The following LHCGR variants were observed in gnomAD, a reference collection of about 807,000 sequenced individuals.
The protein encoded by LHCGR is luteinizing hormone/choriogonadotropin receptor, also known as lutropin-choriogonadotropic hormone receptor.
In LHCGR, 55 loss-of-function variants were observed where a neutral mutation model predicts 60.7. The ratio of observed to expected loss-of-function variants is 0.91; its 90% CI spans 0.73 to 1.13. The LOEUF (loss-of-function observed/expected upper bound fraction) is 1.13. LHCGR is among the 50% of genes most tolerant of loss of function. The pLI is 0.00. For synonymous variants in LHCGR, 337 were observed against 316.5 expected (o/e 1.06, Z -0.69); for missense variants, 862 against 836.0 (o/e 1.03, Z -0.38).
intron 10 of LHCGR, among the ~76,000 whole-genome samples, chr2:48,689,068 T>C (rs996910686): frequency 6.6e-6 from 1 of 151,646 alleles, no homozygotes; most frequent in African/African-American, 2.4e-5. Flanking sequence ...CACACACATA[T>C]ATACACACAT....
At chr2:48,703,754 C>T (rs1476648658) in intron 8 of LHCGR, among the ~76,000 whole-genome samples, 1 of 152,186 alleles carries the variant, frequency 6.6e-6, no homozygotes, top group Non-Finnish European at 1.5e-5. Flanking sequence ...CAAGACTTCG[C>T]TGAAGTTGCT....
intron 1 of LHCGR, among the ~76,000 whole-genome samples, chr2:48,741,391 A>C (rs958510811): frequency 1.3e-5 from 2 of 152,196 alleles, no homozygotes; most frequent in Non-Finnish European, 2.9e-5. Flanking sequence ...CATAATTGTC[A>C]GATTCACCAA....
intron 10 of LHCGR, among the ~76,000 whole-genome samples, chr2:48,689,881 A>T (rs1314490861): frequency 1.3e-5 from 2 of 151,924 alleles, no homozygotes; most frequent in African/African-American, 4.8e-5. Context: ...CACCCAGCTA[A>T]TTTTTTGCAT....
chr2:48,753,609 A>G (rs1670075920), intron 1 of LHCGR, among the ~76,000 whole-genome samples: 1 of 152,156 alleles, frequency 6.6e-6, no homozygotes, highest in Non-Finnish European at 1.5e-5. Flanking sequence ...AGGCAGCAGG[A>G]GAAAGTGGGA....
At position 48,751,441 on chromosome 2, in the gene LHCGR, A is replaced by G. The variant is rs141204187; in HGVS notation, c.161+4070T>C. ...CACCAGGACCCCTCTTTCCTTCTTC[A>G]CAGTTCAGCTTCTTAACACTTGGCC... is the stretch of plus-strand genomic sequence containing the variant. On this transcript the variant is annotated intron_variant, in intron 1 of 10. Transcript: ENST00000294954. 1.2e-4 allele frequency among the ~76,000 whole-genome samples: 18 copies of G among 152,222 alleles called. No individual in the cohort carries two copies. In the East Asian group the frequency reaches 3.1e-3, roughly 26 times the overall value.
At chr2:48,694,342 T>C in intron 9 of LHCGR, 38 bp from the exon 10 acceptor site, 1 of 1,330,840 alleles carries the variant, frequency 7.5e-7, no homozygotes, top group South Asian at 1.2e-5. Flanking sequence ...TTTGAGCTTT[T>C]GGACTTCAGG....
At chr2:48,704,361 G>T (rs1438935228) in intron 8 of LHCGR, among the ~76,000 whole-genome samples, 2 of 152,086 alleles carry the variant, frequency 1.3e-5, no homozygotes, top group Non-Finnish European at 2.9e-5. Flanking sequence ...TCTTTTTGTG[G>T]TGTACTCTGC....
intron 1 of LHCGR, among the ~76,000 whole-genome samples, chr2:48,754,340 A>AG (rs954497128): frequency 6.6e-6 from 1 of 152,190 alleles, no homozygotes; most frequent in Admixed American, 6.5e-5. Flanking sequence ...GAAATGGCAG[A>AG]GGGGGTGGTC....
chr2:48,725,818 CA>C, intron 3 of LHCGR, 68 bp from the exon 4 acceptor site: 1 of 1,278,818 alleles, frequency 7.8e-7, no homozygotes, highest in African/African-American at 1.5e-5. Flanking sequence ...TGTGTGAGAT[CA>C]TGGTCACCAG....
intron 1 of LHCGR, 94 bp from the exon 2 acceptor site, chr2:48,731,392 A>G (rs1431106509): frequency 3.6e-6 from 3 of 822,402 alleles, no homozygotes; most frequent in Non-Finnish European, 6.2e-6. Flanking sequence ...TGTGTGTGAG[A>G]GACAGAGACT....
At chr2:48,723,761 T>G in intron 4 of LHCGR, 65 bp from the exon 5 acceptor site, 1 of 1,198,192 alleles carries the variant, frequency 8.3e-7, no homozygotes, top group South Asian at 1.2e-5. Context: ...CATTAAGACA[T>G]AAAGATAAAA....
intron 6 of LHCGR, among the ~76,000 whole-genome samples, chr2:48,722,680 C>A (rs1299863013): frequency 6.6e-6 from 1 of 152,208 alleles, no homozygotes; most frequent in Non-Finnish European, 1.5e-5. Context: ...GAGACCTCCC[C>A]AGAAGCTGAG....
At chr2:48,717,666 C>T (rs1245785837) in intron 6 of LHCGR, among the ~76,000 whole-genome samples, 2 of 151,854 alleles carry the variant, frequency 1.3e-5, no homozygotes, top group African/African-American at 4.8e-5. Context: ...TGTTTAATTG[C>T]ACTATCATCC....
chr2:48,738,369 C>G (rs1423183080), intron 1 of LHCGR, among the ~76,000 whole-genome samples: 1 of 152,184 alleles, frequency 6.6e-6, no homozygotes, highest in African/African-American at 2.4e-5. Flanking sequence ...ACTCCTTACA[C>G]ACTGCTACTC....
intron 1 of LHCGR, among the ~76,000 whole-genome samples, chr2:48,742,506 T>C (rs1323223038): frequency 2.6e-5 from 4 of 152,036 alleles, no homozygotes; most frequent in Admixed American, 6.6e-5. Flanking sequence ...CAGACCGCAG[T>C]GCAATCAAAC....
intron 1 of LHCGR, among the ~76,000 whole-genome samples, chr2:48,754,630 A>C (rs928226846): frequency 4.6e-5 from 7 of 152,046 alleles, no homozygotes; most frequent in Admixed American, 1.3e-4. Context: ...ACTGATTAGT[A>C]GTCACCTACT....
At chr2:48,692,829 T>C (rs1278927645) in intron 10 of LHCGR, among the ~76,000 whole-genome samples, 1 of 152,214 alleles carries the variant, frequency 6.6e-6, no homozygotes, top group Non-Finnish European at 1.5e-5. Flanking sequence ...AGGAGATTTA[T>C]CATAAAATGC....
chr2:48,688,363 C>T lies in LHCGR; in HGVS notation c.1434G>A (p.Leu478=). ...TAATCAGAATGGCATGTCTTAATCG[C>T]AGCTTTTGGTCCAGGTGAATAGCAT... ...ITYAIHLDQK[L]RLRHAILIML... The change falls in exon 11 of 11, where the codon CTG becomes CTA. Residue 478 remains leucine (L), a synonymous_variant. Transcript: ENST00000294954. The surrounding 1 kb of genome is among the most constrained non-coding windows in gnomAD (Gnocchi z 5.2). 6.2e-7 allele frequency: 1 copy of T among 1,614,152 alleles called. No homozygotes were observed. Among genetic ancestry groups the T allele is most frequent in the Non-Finnish European group, 8.5e-7 (1 of 1,180,038 alleles).
intron 7 of LHCGR, among the ~76,000 whole-genome samples, chr2:48,709,861 G>C (rs1667892727): frequency 6.6e-6 from 1 of 152,164 alleles, no homozygotes; most frequent in East Asian, 1.9e-4. Context: ...AGTCGAGGGA[G>C]CTAGAAGAGG....
Sources: allele counts gnomAD v4.1 joint callset (sites outside exome capture counted in the v4.1 genomes callset), GRCh38; gene constraint gnomAD v4.1.1; non-coding constraint Gnocchi (gnomAD v3.1); transcripts MANE v1.5; gene names NCBI Gene and HGNC (gene_info 2026-07-23, HGNC 2026-07-21).